IFNAR1: variants seen among roughly 807,000 people sequenced by gnomAD.
IFNAR1 encodes the protein interferon alpha and beta receptor subunit 1, also known as interferon alpha/beta receptor 1.
In IFNAR1, 47 loss-of-function variants were observed where a neutral mutation model predicts 62.1. The observed-to-expected ratio is 0.76, with a 90% CI of 0.60 to 0.97. The LOEUF is 0.97. Ranked by LOEUF, IFNAR1 falls within the 50% of genes least tolerant of loss-of-function variation. IFNAR1 has a pLI of 0.00. For synonymous variants in IFNAR1, 219 were observed against 226.9 expected (o/e 0.97, Z 0.31); for missense variants, 638 against 654.5 (o/e 0.97, Z 0.27).
At chr21:33,353,577 C>G in intron 9 of IFNAR1, 61 bp from the exon 10 acceptor site, 1 of 898,526 alleles carries the variant, frequency 1.1e-6, no homozygotes. Context: ...ACACAGCTGT[C>G]AGCACTGTTA....
chr21:33,354,644 C>T (rs1032669750), intron 10 of IFNAR1, among the ~76,000 whole-genome samples: 4 of 152,078 alleles, frequency 2.6e-5, no homozygotes, highest in Admixed American at 2.6e-4. Context: ...AAGGCCTAAA[C>T]ATAGAATCTG....
chr21:33,335,025 A>G, intron 1 of IFNAR1: 1 of 1,415,278 alleles, frequency 7.1e-7, no homozygotes. Flanking sequence ...CTGGTCAATT[A>G]TTTGTGATGA....
chr21:33,358,837 C>CTCTT lies in IFNAR1; in HGVS notation c.*3289_*3290insCTTT, dbSNP rs2083473583. On this transcript the variant is annotated 3_prime_UTR_variant, in exon 11 of 11. Coordinates refer to ENST00000270139, the MANE Select transcript of IFNAR1 (RefSeq NM_000629.3). ...TGGGTAACATGGCCAGACCCCATCT[C>CTCTT]TATTTATATATATATATATAAAACT... 6.7e-6 allele frequency: 1 copy of CTCTT among 148,460 alleles called. No homozygotes were observed. The highest frequency in any genetic ancestry group is 2.6e-5 in the African/African-American group (1 of 37,958). The allele number at this position is 148,460 out of a possible 1,614,324, so 9.2% of individuals were successfully genotyped here.
In IFNAR1 at chr21:33,349,599, TA is replaced by T. The variant is rs912613786; in HGVS notation, c.1143+59del. 53 of 1,283,018 alleles carry T rather than the reference TA, an allele frequency of 4.1e-5. 1 individual carries two copies. The African/African-American group carries it at 7.2e-4, about 17-fold the overall frequency. 79.5% of individuals were successfully genotyped at this position (1,283,018 alleles called of 1,614,324 possible). A position where few individuals can be genotyped will look rare whatever the true frequency, so the allele number is the denominator to read the frequency against. On this transcript the variant is annotated intron_variant, in intron 8 of 10. Transcript: ENST00000270139. ...CTTAGAGTTATAATTATGATTTGGG[TA>T]AATAAAGCTTGAATGTAAAATTTGG... is the stretch of plus-strand genomic sequence containing the variant.
Position 33,357,323 on chromosome 21 carries a change from G to A in IFNAR1, c.*1774G>A, listed in dbSNP as rs144316209. 1,124 of 152,344 alleles carry A rather than the reference G, an allele frequency of 7.4e-3. 6 individuals carry two copies. Among genetic ancestry groups the A allele is most frequent in the Middle Eastern group, 0.027 (8 of 296 alleles). The allele number at this position is 152,344 out of a possible 1,614,324, so 9.4% of individuals were successfully genotyped here. A position where few individuals can be genotyped will look rare whatever the true frequency, so the allele number is the denominator to read the frequency against. ...AGGTTGAAGGCAGCTGCCCTCGGGA[G>A]GGCTGTGATGCTCGGCACATCCTGC... On this transcript the variant is annotated 3_prime_UTR_variant, in exon 11 of 11. Coordinates refer to ENST00000270139, the MANE Select transcript of IFNAR1 (RefSeq NM_000629.3).
chr21:33,341,105 C>T lies in IFNAR1; in HGVS notation c.307C>T (p.Arg103Cys), dbSNP rs1332193148. Residue 103 changes from arginine (R) to cysteine (C), a missense_variant, in exon 3 of 11, where the codon CGT becomes TGT. Arg to Cys is a radical substitution (Grantham distance 180). Transcript: ENST00000270139. ...KLNVYEEIKLRIRAEKENTSS... is the reference protein window; with the variant it reads ...KLNVYEEIKLCIRAEKENTSS... ...GAATGTTTATGAAGAAATTAAATTGCGTATAAGAGCAGAAAAAGAAAACAC... is the reference window on the plus strand; with the variant it reads ...GAATGTTTATGAAGAAATTAAATTGTGTATAAGAGCAGAAAAAGAAAACAC... The T allele has an allele frequency of 4.3e-6, 7 of 1,612,458 alleles. No homozygotes were observed. Among genetic ancestry groups the T allele is most frequent in the Admixed American group, 1.7e-5 (1 of 59,968 alleles).
At chr21:33,350,779 A>T (rs1224311239) in intron 8 of IFNAR1, among the ~76,000 whole-genome samples, 1 of 152,174 alleles carries the variant, frequency 6.6e-6, no homozygotes, top group Admixed American at 6.5e-5. Flanking sequence ...CTGTAACCAT[A>T]GCTTAATGTA....
chr21:33,328,352 AGAGAG>A (rs1309756546), intron 1 of IFNAR1, among the ~76,000 whole-genome samples: 1 of 152,196 alleles, frequency 6.6e-6, no homozygotes, highest in Non-Finnish European at 1.5e-5. Context: ...GAATTCCAGA[AGAGAG>A]GAGGGTATAA....
chr21:33,326,449 C>T (rs2083127930), intron 1 of IFNAR1, among the ~76,000 whole-genome samples: 1 of 152,188 alleles, frequency 6.6e-6, no homozygotes, highest in Non-Finnish European at 1.5e-5. Context: ...AAACAATCCA[C>T]TTCAGCCTCC....
chr21:33,325,478 C>A (rs2083118339), intron 1 of IFNAR1, among the ~76,000 whole-genome samples: 1 of 152,182 alleles, frequency 6.6e-6, no homozygotes, highest in African/African-American at 2.4e-5. Flanking sequence ...AAACATTTCC[C>A]GAAATGCATT....
Position 33,349,431 on chromosome 21 carries a change from A to T in IFNAR1, c.1031A>T (p.Asp344Val). The T allele has an allele frequency of 6.2e-7, 1 of 1,611,102 alleles. No homozygotes were observed. The highest frequency in any genetic ancestry group is 8.5e-7 in the Non-Finnish European group (1 of 1,178,194). ...GTCTTTAACATTAGATCCCTTAGTGATTCATTCCATATCTATATCGGTGCT... is the reference window on the plus strand; with the variant it reads ...GTCTTTAACATTAGATCCCTTAGTGTTTCATTCCATATCTATATCGGTGCT... ...PPVFNIRSLS[D>V]SFHIYIGAPK... Residue 344 changes from aspartate to valine, a missense_variant, in exon 8 of 11, where the codon GAT becomes GTT. By Grantham distance (152) the Asp-to-Val change is radical. Transcript: ENST00000270139.
intron 6 of IFNAR1, among the ~76,000 whole-genome samples, chr21:33,348,043 A>G (rs1205499906): frequency 2.6e-5 from 4 of 152,194 alleles, no homozygotes; most frequent in Non-Finnish European, 5.9e-5. Context: ...AGGAGACACT[A>G]AAGAGAGATA....
At chr21:33,324,892 G>GTTGTGT, upstream of IFNAR1, 1 of 571,058 alleles carries the variant, frequency 1.8e-6, no homozygotes, top group Non-Finnish European at 3.1e-6. Context: ...GCGGAGGGGC[G>GTTGTGT]GTGTGTGTGT....
At chr21:33,329,974 A>G (rs2083160295) in intron 1 of IFNAR1, among the ~76,000 whole-genome samples, 1 of 152,188 alleles carries the variant, frequency 6.6e-6, no homozygotes, top group African/African-American at 2.4e-5. Flanking sequence ...TGATGTAACT[A>G]TTTTGGAACT....
Position 33,359,611 on chromosome 21 carries a change from G to C in IFNAR1, c.*4062G>C, listed in dbSNP as rs1568936297. The C allele has an allele frequency of 6.6e-6, 1 of 152,152 alleles. No individual in the cohort carries two copies. The allele number at this position is 152,152 out of a possible 1,614,324, so 9.4% of individuals were successfully genotyped here. ...CTAAACTGTTTGCCCTTCACAAGTA[G>C]TTCTTCTTTCAGGATTAGTTCGTTC... is the stretch of plus-strand genomic sequence containing the variant. On this transcript the variant is annotated 3_prime_UTR_variant, in exon 11 of 11. Coordinates refer to ENST00000270139, the MANE Select transcript of IFNAR1 (RefSeq NM_000629.3).
At position 33,349,398 on chromosome 21, in the gene IFNAR1, TTCC is replaced by T. The variant is rs72552343; in HGVS notation, c.1002_1004del (p.Pro335del). On this transcript the variant is annotated inframe_deletion, in exon 8 of 11. Coordinates refer to ENST00000270139, the MANE Select transcript of IFNAR1 (RefSeq NM_000629.3). ...TACAAATTTTTTCTAGCTTTCCTACTTCCTCCAGTCTTTAACATTAGATCCCTT... is the reference window on the plus strand; with the variant it reads ...TACAAATTTTTTCTAGCTTTCCTACTTCCAGTCTTTAACATTAGATCCCTT... The T allele has an allele frequency of 1.3e-4, 213 of 1,587,808 alleles. No individual in the cohort carries two copies. In the East Asian group the frequency reaches 3.6e-3, roughly 27 times the overall value.
intron 10 of IFNAR1, among the ~76,000 whole-genome samples, chr21:33,354,495 C>T (rs1490814169): frequency 1.3e-5 from 2 of 152,096 alleles, no homozygotes; most frequent in African/African-American, 2.4e-5. Flanking sequence ...ATTCTATCAG[C>T]GTAGAAAGTA....
Position 33,335,511 on chromosome 21 carries a change from G to T in IFNAR1, c.77-13G>T. 2 of 1,520,102 alleles carry T rather than the reference G, an allele frequency of 1.3e-6. No individual in the cohort carries two copies. The highest frequency in any genetic ancestry group is 1.8e-6 in the Non-Finnish European group (2 of 1,104,234). 94.2% of individuals were successfully genotyped at this position (1,520,102 alleles called of 1,614,324 possible). ...TTTGTATATAATGTTCTTATTTCTT[G>T]TTGCTTTTATAGGTGGAAAAAATCT... On this transcript the variant is annotated splice_polypyrimidine_tract_variant and intron_variant, in intron 1 of 10. Transcript: ENST00000270139.
In IFNAR1 at chr21:33,357,408, T is replaced by G. The variant is rs2083458493; in HGVS notation, c.*1859T>G. On this transcript the variant is annotated 3_prime_UTR_variant, in exon 11 of 11. Coordinates refer to ENST00000270139, the MANE Select transcript of IFNAR1 (RefSeq NM_000629.3). ...CATGTCCCCAGACCTGCCGCCTGGC[T>G]TCTGGAGTGCTTCAAGCAGAGCATG... 6.6e-6 allele frequency: 1 copy of G among 152,220 alleles called. No homozygotes were observed. Among genetic ancestry groups the G allele is most frequent in the Non-Finnish European group, 1.5e-5 (1 of 68,078 alleles). 9.4% of individuals were successfully genotyped at this position (152,220 alleles called of 1,614,324 possible).
Sources: allele counts gnomAD v4.1 joint callset (sites outside exome capture counted in the v4.1 genomes callset), GRCh38; gene constraint gnomAD v4.1.1; transcripts MANE v1.5; gene names NCBI Gene and HGNC (gene_info 2026-07-23, HGNC 2026-07-21).